The following ARHGEF33 variants were observed in gnomAD, a reference collection of about 807,000 sequenced individuals.
ARHGEF33 encodes DH and coiled-coil domain-containing protein ENSP00000381780.
ARHGEF33 carries 72 observed loss-of-function variants against 101.9 expected under a neutral mutation model. The observed-to-expected ratio is 0.71, with a 90% confidence interval of 0.58 to 0.86. The LOEUF (loss-of-function observed/expected upper bound fraction) is 0.86, where lower values mean the gene tolerates loss of function less well. Among genes scored for constraint, ARHGEF33 ranks in the 40% least tolerant of loss-of-function variants. The probability of loss-of-function intolerance (pLI) is 0.00; values close to 1 mark genes in which losing one functional copy is unlikely to be tolerated. For missense variants in ARHGEF33, 1,169 were observed against 1,111.3 expected (o/e 1.05, Z -0.74); for synonymous variants, 499 against 442.5 (o/e 1.13, Z -1.60).
At chr2:38,921,340 A>G in intron 3 of ARHGEF33, 34 bp from the exon 4 acceptor site, 1 of 1,309,372 alleles carries the variant, frequency 7.6e-7, no homozygotes, top group Non-Finnish European at 1.1e-6. Flanking sequence ...CAGAATGAGT[A>G]GTGTTGATTA....
At chr2:38,960,866 G>C (rs1303604594) in intron 16 of ARHGEF33, among the ~76,000 whole-genome samples, 2 of 152,170 alleles carry the variant, frequency 1.3e-5, no homozygotes, top group Non-Finnish European at 2.9e-5. Context: ...GAGTGGCAGC[G>C]CCTGTTCTCC....
In ARHGEF33 at chr2:38,941,552, CT is replaced by C. The variant is rs532096844; in HGVS notation, c.791-2336del. ...TGCATGTTACCTGATTTTTCTTTTT[CT>C]TTTTTTTTTTTTGAGACGGAGTCTT... On this transcript the variant is annotated intron_variant, in intron 9 of 17. Coordinates refer to ENST00000409978, the MANE Select transcript of ARHGEF33 (RefSeq NM_001145451.5). 2.9e-3 allele frequency among the ~76,000 whole-genome samples: 417 copies of C among 144,114 alleles called. 1 individual carries two copies. Among genetic ancestry groups the C allele is most frequent in the African/African-American group, 6.1e-3 (243 of 39,574 alleles). 94.5% of individuals were successfully genotyped at this position (144,114 alleles called of 152,430 possible).
chr2:38,909,706 A>AT (rs71813216), intron 2 of ARHGEF33, among the ~76,000 whole-genome samples: 2,167 of 111,822 alleles, frequency 0.019, 22 homozygotes, highest in African/African-American at 0.037. Flanking sequence ...TTCAAGGATG[A>AT]TTTTTTTTTT....
chr2:38,894,310 C>G (rs1245720354), intron 1 of ARHGEF33, among the ~76,000 whole-genome samples: 1 of 150,014 alleles, frequency 6.7e-6, no homozygotes, highest in Non-Finnish European at 1.5e-5. Context: ...CCAGCCTGGG[C>G]TTCAGAGAGA....
chr2:38,937,600 C>A, intron 9 of ARHGEF33, 41 bp downstream of exon 9: 1 of 1,155,484 alleles, frequency 8.7e-7, no homozygotes, highest in Non-Finnish European at 1.3e-6. Context: ...GTTTAAAGAA[C>A]AGGATGTACC....
intron 10 of ARHGEF33, among the ~76,000 whole-genome samples, chr2:38,944,470 C>CA (rs1168057540): frequency 6.6e-6 from 1 of 152,094 alleles, no homozygotes. Context: ...AAACACCCAC[C>CA]ATAGGCTCCA....
intron 1 of ARHGEF33, among the ~76,000 whole-genome samples, chr2:38,895,059 G>C (rs780163090): frequency 6.6e-6 from 1 of 152,134 alleles, no homozygotes; most frequent in East Asian, 1.9e-4. Flanking sequence ...AGGTGACCAA[G>C]TAAGGCTTTG....
At chr2:38,943,164 G>A (rs1667356924) in intron 9 of ARHGEF33, among the ~76,000 whole-genome samples, 1 of 152,176 alleles carries the variant, frequency 6.6e-6, no homozygotes, top group South Asian at 2.1e-4. Flanking sequence ...CTGACCTCAG[G>A]TGATCTACCC....
At chr2:38,950,882 A>AATG in intron 10 of ARHGEF33, 107 bp from the exon 11 acceptor site, 1 of 1,053,610 alleles carries the variant, frequency 9.5e-7, no homozygotes, top group Non-Finnish European at 1.4e-6. Flanking sequence ...CCTGTGACTC[A>AATG]CAGTATGTTG....
rs548940033 is a variant in ARHGEF33 at position 38,937,487 on chromosome 2, G to C, written c.718G>C (p.Asp240His). 1.9e-6 allele frequency: 3 copies of C among 1,551,260 alleles called. No individual in the cohort carries two copies. The highest frequency in any genetic ancestry group is 2.4e-5 in the South Asian group (2 of 84,040). Reference sequence around the variant, plus strand: ...AGAATACGTCACAAAAGACCACCCAGATAAACTCAAGGAGGCTGGCCAGGG... The same window carrying C: ...AGAATACGTCACAAAAGACCACCCACATAAACTCAAGGAGGCTGGCCAGGG... ...GEEYVTKDHP[D>H]KLKEAGQGRH... The change falls in exon 9 of 18, where the codon GAT becomes CAT. Residue 240 changes from aspartate (D) to histidine (H), a missense_variant. By Grantham distance (81) the Asp-to-His change is moderately conservative. Coordinates refer to ENST00000409978, the MANE Select transcript of ARHGEF33 (RefSeq NM_001145451.5).
chr2:38,959,607 G>T (rs929549849), intron 15 of ARHGEF33: 24 of 469,204 alleles, frequency 5.1e-5, no homozygotes, highest in Non-Finnish European at 3.7e-6. Context: ...TGGCCCGCAG[G>T]CCATTTCCCA....
chr2:38,940,213 A>G (rs553844562), intron 9 of ARHGEF33, among the ~76,000 whole-genome samples: 2 of 152,210 alleles, frequency 1.3e-5, no homozygotes, highest in East Asian at 1.9e-4. Flanking sequence ...CTTCATTTAT[A>G]TAGATCTTGA....
chr2:38,899,841 T>TA (rs1161506014), intron 2 of ARHGEF33, among the ~76,000 whole-genome samples: 1 of 151,838 alleles, frequency 6.6e-6, no homozygotes, highest in Non-Finnish European at 1.5e-5. Flanking sequence ...ATTTGTGAAT[T>TA]AAAAAAAGAA....
In ARHGEF33 at chr2:38,944,085, T is replaced by C. The variant is rs925786906; in HGVS notation, c.920+55T>C. 4.0e-6 allele frequency: 6 copies of C among 1,494,192 alleles called. No homozygotes were observed. The African/African-American group carries it at 8.5e-5, about 21-fold the overall frequency. 92.6% of individuals were successfully genotyped at this position (1,494,192 alleles called of 1,614,324 possible). ...CAGATTGATTAGGATTTAAGGTAAG[T>C]GGTTTATTGTTTCCACTTTGGGATT... is the stretch of plus-strand genomic sequence containing the variant. On this transcript the variant is annotated intron_variant, in intron 10 of 17. Transcript: ENST00000409978.
intron 1 of ARHGEF33, among the ~76,000 whole-genome samples, 194 bp from the exon 2 acceptor site, chr2:38,895,583 A>T (rs1472680098): frequency 2.6e-5 from 4 of 152,194 alleles, no homozygotes; most frequent in African/African-American, 9.6e-5. Context: ...AGTGACTTAA[A>T]AATTAAAAGA....
chr2:38,905,494 G>A (rs925922860), intron 2 of ARHGEF33, among the ~76,000 whole-genome samples: 1 of 152,148 alleles, frequency 6.6e-6, no homozygotes, highest in African/African-American at 2.4e-5. Flanking sequence ...ACTTTGAAAC[G>A]CTCCTTATAC....
At chr2:38,942,923 T>C (rs1196770850) in intron 9 of ARHGEF33, among the ~76,000 whole-genome samples, 1 of 152,134 alleles carries the variant, frequency 6.6e-6, no homozygotes, top group Non-Finnish European at 1.5e-5. Flanking sequence ...TAACTTTTGA[T>C]AATTGACCTC....
chr2:38,944,925 G>T (rs1667404447), intron 10 of ARHGEF33, among the ~76,000 whole-genome samples: 1 of 150,106 alleles, frequency 6.7e-6, no homozygotes, highest in South Asian at 2.1e-4. Flanking sequence ...TCTGCCACCT[G>T]TTGTAACAGC....
intron 2 of ARHGEF33, among the ~76,000 whole-genome samples, chr2:38,896,287 C>A (rs183932768): frequency 6.6e-6 from 1 of 152,076 alleles, no homozygotes; most frequent in African/African-American, 2.4e-5. Flanking sequence ...TACAGGCTCA[C>A]GCCACCATGC....
Sources: gnomAD v4.1 joint callset for allele counts (sites outside exome capture counted in the v4.1 genomes callset) on GRCh38, gnomAD v4.1.1 for gene constraint, MANE v1.5 for transcripts, NCBI Gene and HGNC (gene_info 2026-07-23, HGNC 2026-07-21) for gene names.